TTC6: variants seen among roughly 807,000 people sequenced by gnomAD.
TTC6 encodes the protein tetratricopeptide repeat protein 6.
A neutral mutation model predicts 210.4 loss-of-function variants in TTC6; 172 were observed. The observed-to-expected ratio is 0.82, with a 90% CI of 0.72 to 0.93. The LOEUF is 0.93. Ranked by LOEUF, TTC6 falls within the 40% of genes least tolerant of loss-of-function variation. The pLI is 0.00. For synonymous variants in TTC6, 804 were observed against 819.6 expected (o/e 0.98, Z 0.32); for missense variants, 2,414 against 2,318.1 (o/e 1.04, Z -0.85).
At chr14:37,644,554 A>C (rs2095698132) in intron 1 of TTC6, among the ~76,000 whole-genome samples, 1 of 152,240 alleles carries the variant, frequency 6.6e-6, no homozygotes, top group Admixed American at 6.5e-5. Flanking sequence ...TATCCTTGGC[A>C]GCCATATGCC....
At chr14:37,630,940 T>G (rs904573191) in intron 1 of TTC6, among the ~76,000 whole-genome samples, 1 of 111,932 alleles carries the variant, frequency 8.9e-6, no homozygotes, top group African/African-American at 3.4e-5. Flanking sequence ...TTTTTTTTTT[T>G]TTTTTTTGCT....
At chr14:37,839,658 C>G (rs1263639787) in intron 29 of TTC6, among the ~76,000 whole-genome samples, 1 of 152,094 alleles carries the variant, frequency 6.6e-6, no homozygotes, top group Non-Finnish European at 1.5e-5. Context: ...TTAATTAGAT[C>G]TCGTTTATCT....
At chr14:37,613,355 T>G (rs1217580860) in intron 2 of TTC6, among the ~76,000 whole-genome samples, 1 of 152,144 alleles carries the variant, frequency 6.6e-6, no homozygotes, top group Non-Finnish European at 1.5e-5. Context: ...CAAAATGTAT[T>G]ATCCTTTTCA....
At chr14:37,820,956 T>TCTC (rs147457513) in intron 26 of TTC6, among the ~76,000 whole-genome samples, 19,945 of 144,960 alleles carry the variant, frequency 0.14, 4,109 homozygotes, top group African/African-American at 0.46. Context: ...TCCTCCTCCT[T>TCTC]CTCCTCCTCC....
At chr14:37,716,993 A>G (rs2095853772) in intron 6 of TTC6, among the ~76,000 whole-genome samples, 1 of 152,150 alleles carries the variant, frequency 6.6e-6, no homozygotes, top group Non-Finnish European at 1.5e-5. Context: ...TAAATAATCT[A>G]TAGGTTAAAG....
intron 7 of TTC6, among the ~76,000 whole-genome samples, chr14:37,729,858 A>T (rs573263808): frequency 2.1e-4 from 32 of 152,272 alleles, no homozygotes; most frequent in African/African-American, 7.2e-4. Context: ...ATCTATGTTT[A>T]TAGGAAAGTG....
intron 3 of TTC6, among the ~76,000 whole-genome samples, chr14:37,691,064 T>A (rs1417900976): frequency 6.6e-6 from 1 of 152,132 alleles, no homozygotes; most frequent in African/African-American, 2.4e-5. Flanking sequence ...GTGTGGTGGC[T>A]CACATCTGCC....
chr14:37,709,461 A>G (rs995874990), intron 5 of TTC6, among the ~76,000 whole-genome samples: 1 of 152,108 alleles, frequency 6.6e-6, no homozygotes, highest in Non-Finnish European at 1.5e-5. Flanking sequence ...TCATTTCAGT[A>G]TGCACTATCA....
chr14:37,687,002 G>T (rs903722095), intron 3 of TTC6, among the ~76,000 whole-genome samples: 8 of 152,162 alleles, frequency 5.3e-5, no homozygotes, highest in African/African-American at 1.9e-4. Context: ...AGGCTCCATT[G>T]ATTGTCCCCT....
intron 23 of TTC6, 111 bp downstream of exon 25, chr14:37,807,571 A>G (rs1428784171): frequency 1.2e-6 from 1 of 867,920 alleles, no homozygotes; most frequent in African/African-American, 1.7e-5. Flanking sequence ...TCACTATGAT[A>G]TGAAGGGCAG....
At chr14:37,842,289 T>C (rs776387894) in exon 31 of TTC6, 9 of 1,599,318 alleles carry the variant, frequency 5.6e-6, no homozygotes, top group East Asian at 2.3e-5. Context: ...CTCAGTTATA[T>C]GATTACATAG....
Position 37,812,511 on chromosome 14 carries a change from T to A in TTC6, c.4689+78T>A. ...ACTAGTGAACAAGATTTTATTATTATCAACTGGCAATATTAATGAGTGGTA... is the reference window on the plus strand; with the variant it reads ...ACTAGTGAACAAGATTTTATTATTAACAACTGGCAATATTAATGAGTGGTA... On this transcript the variant is annotated intron_variant, in intron 25 of 30. Coordinates refer to ENST00000553443, the Ensembl canonical transcript of TTC6. 3.7e-6 allele frequency: 5 copies of A among 1,365,954 alleles called. No homozygotes were observed. In the South Asian group the frequency reaches 8.8e-5, roughly 24 times the overall value. 84.6% of individuals were successfully genotyped at this position (1,365,954 alleles called of 1,614,324 possible).
At chr14:37,833,043 T>G in intron 29 of TTC6, among the ~76,000 whole-genome samples, 1 of 104,656 alleles carries the variant, frequency 9.6e-6, no homozygotes, top group African/African-American at 3.8e-5. Context: ...GGTGATAGAG[T>G]GAGACTCCAT....
At chr14:37,694,146 A>T (rs1238419896) in intron 3 of TTC6, among the ~76,000 whole-genome samples, 1 of 152,194 alleles carries the variant, frequency 6.6e-6, no homozygotes, top group Non-Finnish European at 1.5e-5. Context: ...ACACCAAAGG[A>T]TACAATCAGT....
chr14:37,755,178 T>C (rs546866170), intron 14 of TTC6, among the ~76,000 whole-genome samples: 1 of 152,358 alleles, frequency 6.6e-6, no homozygotes, highest in South Asian at 2.1e-4. Context: ...GCTTCATAAA[T>C]GTCTTCTTTT....
intron 28 of TTC6, 152 bp downstream of exon 30, chr14:37,826,499 A>G: frequency 1.4e-6 from 1 of 726,724 alleles, no homozygotes; most frequent in South Asian, 3.1e-5. Flanking sequence ...TCCCTAGGGT[A>G]AAGAGTTATG....
intron 1 of TTC6, among the ~76,000 whole-genome samples, chr14:37,639,052 T>G (rs1284608282): frequency 3.9e-5 from 6 of 152,354 alleles, no homozygotes. Flanking sequence ...ACTATACATA[T>G]TATTCTGCAA....
chr14:37,641,266 G>T (rs1320578597), intron 1 of TTC6, among the ~76,000 whole-genome samples: 1 of 152,216 alleles, frequency 6.6e-6, no homozygotes, highest in Non-Finnish European at 1.5e-5. Context: ...CCATTCTGTA[G>T]CTGTAAACAG....
rs1010827461 is a variant in TTC6, at chr14:37,622,860, G to A, written c.796G>A (p.Ala266Thr). 3.9e-6 allele frequency: 6 copies of A among 1,534,462 alleles called. No homozygotes were observed. The African/African-American group carries it at 8.2e-5, about 21-fold the overall frequency. ...CGACGCGCGGGAGGCCGCCTGGCAG[G>A]CGCTGCTGCCCTCCCGCGTGATCCC... Residue 266 changes from alanine to threonine, a missense_variant, in exon 1 of 31, where the codon GCG becomes ACG. Physicochemically the swap from Ala to Thr is moderately conservative, Grantham distance 58. Coordinates refer to ENST00000553443, the Ensembl canonical transcript of TTC6.
Sources: allele counts gnomAD v4.1 joint callset (sites outside exome capture counted in the v4.1 genomes callset), GRCh38; gene constraint gnomAD v4.1.1; transcripts MANE v1.5; gene names NCBI Gene and HGNC (gene_info 2026-07-23, HGNC 2026-07-21).